Variants in PRR16 observed in about 807,000 individuals in gnomAD.
PRR16 encodes the protein protein Largen.
Under a neutral mutation model 18.2 loss-of-function variants are expected in PRR16, and 6 were observed. The observed-to-expected ratio is 0.33, with a 90% CI of 0.18 to 0.65. The LOEUF is 0.65. PRR16 is among the 30% of genes least tolerant of loss of function. PRR16 has a pLI of 0.74. For synonymous variants in PRR16, 151 were observed against 147.8 expected, an observed-to-expected ratio of 1.02 and a Z score of -0.16; for missense variants, 412 against 376.6, an observed-to-expected ratio of 1.09 and a Z score of -0.78.
chr5:120,563,253 T>A (rs1360195378), intron 1 of PRR16, among the ~76,000 whole-genome samples: 3 of 152,170 alleles, frequency 2.0e-5, no homozygotes, highest in Non-Finnish European at 4.4e-5. Flanking sequence ...TGCTACTACT[T>A]ATGTTCACTC....
At chr5:120,777,674 C>T in the PRR16 span, among the ~76,000 whole-genome samples, 1 of 152,078 alleles carries the variant, frequency 6.6e-6, no homozygotes, top group African/African-American at 2.4e-5. Flanking sequence ...AAAGCCAGGA[C>T]TAAAAAGAGG....
chr5:120,631,492 G>T (rs570278461), intron 1 of PRR16, among the ~76,000 whole-genome samples: 2 of 152,104 alleles, frequency 1.3e-5, no homozygotes, highest in Non-Finnish European at 2.9e-5. Context: ...GTTGTTATGG[G>T]GGCACAATGG....
In PRR16 at chr5:120,502,467, C is replaced by T. The variant is rs1750494319; in HGVS notation, c.159+37822C>T. Among the ~76,000 whole-genome samples, 4 of 151,580 alleles carry T rather than the reference C, an allele frequency of 2.6e-5. No homozygotes were observed. In the South Asian group the frequency reaches 8.3e-4, roughly 32 times the overall value. ...TTTTCTTACTGTCTTTGTTACTTCT[C>T]AGGCCAAAAAATAGTTCTTTTATAT... On this transcript the variant is annotated intron_variant, in intron 1 of 1. Coordinates refer to ENST00000407149, the MANE Select transcript of PRR16 (RefSeq NM_001300783.2).
intron 1 of PRR16, among the ~76,000 whole-genome samples, chr5:120,557,142 G>A (rs1401303033): frequency 6.6e-6 from 1 of 151,846 alleles, no homozygotes. Flanking sequence ...TGTTGTTTAT[G>A]AAGAGGGGGA....
chr5:120,521,884 A>G (rs893432974), intron 1 of PRR16, among the ~76,000 whole-genome samples: 3 of 151,722 alleles, frequency 2.0e-5, no homozygotes, highest in African/African-American at 7.3e-5. Flanking sequence ...AAGTTTTCTC[A>G]TTGTTCAATT....
chr5:120,490,650 C>A (rs1249444637), intron 1 of PRR16, among the ~76,000 whole-genome samples: 1 of 152,232 alleles, frequency 6.6e-6, no homozygotes, highest in Non-Finnish European at 1.5e-5. Flanking sequence ...CTTCTCTCAA[C>A]CTGTCAAAGT....
In PRR16 at chr5:120,584,196, G is replaced by A. The variant is rs532186032; in HGVS notation, c.160-101758G>A. 9.2e-5 allele frequency among the ~76,000 whole-genome samples: 14 copies of A among 152,250 alleles called. No homozygotes were observed. In the Middle Eastern group the frequency reaches 0.01, roughly 112 times the overall value. On this transcript the variant is annotated intron_variant, in intron 1 of 1. Coordinates refer to ENST00000407149, the MANE Select transcript of PRR16 (RefSeq NM_001300783.2). The stretch of plus-strand genomic sequence containing the variant: ...AAGTGATAGGAGTTGAGGCTTACAT[G>A]GTAAGTAGTATCTAGGACATAAAGG...
At chr5:120,593,345 A>C (rs1029392368) in intron 1 of PRR16, among the ~76,000 whole-genome samples, 2 of 152,052 alleles carry the variant, frequency 1.3e-5, no homozygotes, top group South Asian at 2.1e-4. Flanking sequence ...AAGAGATACA[A>C]ATAATCACTA....
chr5:120,713,531 A>G, the PRR16 span, among the ~76,000 whole-genome samples: 1 of 152,194 alleles, frequency 6.6e-6, no homozygotes, highest in Admixed American at 6.5e-5. Flanking sequence ...TGGGAAATAG[A>G]AATTGAAAAT....
intron 1 of PRR16, among the ~76,000 whole-genome samples, chr5:120,612,994 A>G (rs1351222533): frequency 1.3e-5 from 2 of 152,096 alleles, no homozygotes; most frequent in African/African-American, 2.4e-5. Context: ...ACTCTGTGCT[A>G]TTTTCTGTAA....
chr5:120,589,668 G>A (rs1340653458), intron 1 of PRR16, among the ~76,000 whole-genome samples: 2 of 152,102 alleles, frequency 1.3e-5, no homozygotes, highest in African/African-American at 4.8e-5. Context: ...AGATGTGAAA[G>A]CGGAAATCCC....
At chr5:120,464,669 G>T in intron 1 of PRR16, 24 bp downstream of exon 1, 1 of 1,535,496 alleles carries the variant, frequency 6.5e-7, no homozygotes, top group East Asian at 2.4e-5. Context: ...GGGTGGGGAG[G>T]GAGTTCGGCA....
chr5:120,718,235 A>T, the PRR16 span, among the ~76,000 whole-genome samples: 1 of 152,096 alleles, frequency 6.6e-6, no homozygotes, highest in East Asian at 1.9e-4. Flanking sequence ...GCCCTACTTA[A>T]TTAAGTGGAA....
chr5:120,480,809 A>G (rs1234438750), intron 1 of PRR16, among the ~76,000 whole-genome samples: 1 of 152,222 alleles, frequency 6.6e-6, no homozygotes, highest in Non-Finnish European at 1.5e-5. Context: ...CAGATAGACC[A>G]TTATTTACTG....
intron 1 of PRR16, among the ~76,000 whole-genome samples, chr5:120,511,984 C>T (rs753563604): frequency 6.6e-6 from 1 of 152,106 alleles, no homozygotes; most frequent in Non-Finnish European, 1.5e-5. Flanking sequence ...CCTCTAAGCT[C>T]CACAGTTAAA....
intron 1 of PRR16, among the ~76,000 whole-genome samples, chr5:120,518,951 T>C (rs1008528151): frequency 4.6e-5 from 7 of 152,178 alleles, no homozygotes; most frequent in African/African-American, 1.4e-4. Context: ...TAAACTTATC[T>C]TGTTTAAGAT....
chr5:120,743,285 C>G, the PRR16 span, among the ~76,000 whole-genome samples: 2 of 151,328 alleles, frequency 1.3e-5, no homozygotes, highest in African/African-American at 2.4e-5. Context: ...ATTCAGTGTT[C>G]CTTTTATATC....
the PRR16 span, among the ~76,000 whole-genome samples, chr5:120,700,765 C>T: frequency 3.9e-5 from 6 of 152,148 alleles, no homozygotes; most frequent in East Asian, 5.8e-4. Context: ...AAGAAGGGGA[C>T]GGGCTTGCCT....
chr5:120,498,760 A>G (rs1750344968), intron 1 of PRR16, among the ~76,000 whole-genome samples: 1 of 151,326 alleles, frequency 6.6e-6, no homozygotes, highest in Non-Finnish European at 1.5e-5. Context: ...CATCTTGATT[A>G]CTCTTTCTTC....
Sources: allele counts gnomAD v4.1 joint callset (sites outside exome capture counted in the v4.1 genomes callset), GRCh38; gene constraint gnomAD v4.1.1; transcripts MANE v1.5; gene names NCBI Gene and HGNC (gene_info 2026-07-23, HGNC 2026-07-21).